CFAP20DC: variants seen among roughly 807,000 people sequenced by gnomAD.
The protein encoded by CFAP20DC is protein CFAP20DC.
CFAP20DC carries 84 observed loss-of-function variants against 101.7 expected under a neutral mutation model. That is an observed-to-expected ratio of 0.83 (90% CI 0.69 to 0.99). The LOEUF (loss-of-function observed/expected upper bound fraction) is 0.99, where lower values mean the gene tolerates loss of function less well. CFAP20DC is among the 50% of genes least tolerant of loss of function. The pLI is 0.00. For missense variants in CFAP20DC, 1,007 were observed against 970.3 expected, an observed-to-expected ratio of 1.04 and a Z score of -0.50; for synonymous variants, 359 against 351.2, an observed-to-expected ratio of 1.02 and a Z score of -0.25.
chr3:58,923,724 GC>G (rs2085644954), intron 5 of CFAP20DC, among the ~76,000 whole-genome samples: 1 of 152,082 alleles, frequency 6.6e-6, no homozygotes, highest in Non-Finnish European at 1.5e-5. Flanking sequence ...GTATGTGTGT[GC>G]CTGTATTATT....
Position 58,849,254 on chromosome 3 carries a change from C to T in CFAP20DC, c.1749G>A (p.Gln583=). The change falls in exon 13 of 17, where the codon CAG becomes CAA. Residue 583 remains glutamine (Q), a synonymous_variant. Coordinates refer to ENST00000482387, the MANE Select transcript of CFAP20DC (RefSeq NM_001394063.1). ...TATCTATTTGCTCCATCGAGGAATC[C>T]TGGCTTTCTGTTGCTCCTGCTTCTG... ...AYTEAGATES[Q]DSSMEQIDRN... is the part of the protein sequence containing the mutation. 6.5e-7 allele frequency: 1 copy of T among 1,536,038 alleles called. No homozygotes were observed. Among genetic ancestry groups the T allele is most frequent in the Non-Finnish European group, 8.7e-7 (1 of 1,146,892 alleles).
intron 14 of CFAP20DC, among the ~76,000 whole-genome samples, chr3:58,822,218 C>T (rs1292151919): frequency 8.3e-5 from 12 of 143,808 alleles, no homozygotes; most frequent in Non-Finnish European, 1.5e-4. Flanking sequence ...GTGGGTGCAG[C>T]ACATCAGCAT....
Position 58,937,756 on chromosome 3 carries a change from A to G in CFAP20DC, c.285T>C (p.Thr95=), listed in dbSNP as rs531000950. 11 of 1,556,466 alleles carry G rather than the reference A, an allele frequency of 7.1e-6. No homozygotes were observed. In the Admixed American group the frequency reaches 8.4e-5, roughly 12 times the overall value. Residue 95 remains threonine, a synonymous_variant, in exon 5 of 17, where the codon ACT becomes ACC. Coordinates refer to ENST00000482387, the MANE Select transcript of CFAP20DC (RefSeq NM_001394063.1). The part of the protein sequence containing the change: ...GQDFSTELLI[T]DLGNIKRRLY... ...ATCTTCTTTTGATGTTCCCTAAATC[A>G]GTAATTCTGAAAACATGGAGGAGAG...
chr3:58,953,721 C>T lies in CFAP20DC; in HGVS notation c.279-15959G>A, dbSNP rs562241024. Reference sequence around the variant, plus strand: ...TTAAAAGCTTCATTACACTTATGTGCTTTTTTGGGGGCAATTTAGTTGCTG... The same window carrying T: ...TTAAAAGCTTCATTACACTTATGTGTTTTTTTGGGGGCAATTTAGTTGCTG... On this transcript the variant is annotated intron_variant, in intron 4 of 16. Coordinates refer to ENST00000482387, the MANE Select transcript of CFAP20DC (RefSeq NM_001394063.1). The T allele has an allele frequency of 9.2e-5, 14 of 152,194 alleles. No homozygotes were observed. In the East Asian group the frequency reaches 2.3e-3, roughly 25 times the overall value. The allele number at this position is 152,194 out of a possible 1,614,324, so 9.4% of individuals were successfully genotyped here.
chr3:58,879,876 C>T (rs917468405), intron 7 of CFAP20DC, among the ~76,000 whole-genome samples: 3 of 151,498 alleles, frequency 2.0e-5, no homozygotes, highest in African/African-American at 7.3e-5. Context: ...TATGTATTTC[C>T]CTATTAAACC....
At chr3:58,851,352 C>T (rs2078213865) in intron 12 of CFAP20DC, among the ~76,000 whole-genome samples, 1 of 152,090 alleles carries the variant, frequency 6.6e-6, no homozygotes, top group South Asian at 2.1e-4. Flanking sequence ...TGAATTAAGG[C>T]AATGGCAGTG....
intron 5 of CFAP20DC, among the ~76,000 whole-genome samples, chr3:58,921,788 G>A (rs2085405643): frequency 6.6e-6 from 1 of 152,146 alleles, no homozygotes; most frequent in Non-Finnish European, 1.5e-5. Context: ...AATTTCTGAG[G>A]AAGGAGTCTT....
chr3:59,049,247 G>A (rs1399844466), intron 1 of CFAP20DC, among the ~76,000 whole-genome samples: 2 of 152,176 alleles, frequency 1.3e-5, no homozygotes, highest in East Asian at 3.8e-4. Flanking sequence ...TACCAGTGTT[G>A]CATGAATACT....
chr3:58,872,890 C>CAGCT (rs1300342010), intron 7 of CFAP20DC, among the ~76,000 whole-genome samples: 1 of 150,724 alleles, frequency 6.6e-6, no homozygotes, highest in African/African-American at 2.4e-5. Flanking sequence ...TGCTGTAAGG[C>CAGCT]AGCTGTTCAA....
At chr3:58,986,111 C>T (rs1202364347) in intron 4 of CFAP20DC, among the ~76,000 whole-genome samples, 1 of 152,110 alleles carries the variant, frequency 6.6e-6, no homozygotes, top group Non-Finnish European at 1.5e-5. Context: ...TCCCTAACTG[C>T]TACAAATACA....
chr3:58,855,970 A>G (rs2078760036), intron 12 of CFAP20DC, among the ~76,000 whole-genome samples: 2 of 151,870 alleles, frequency 1.3e-5, no homozygotes, highest in Non-Finnish European at 1.5e-5. Context: ...ATGTACCCTA[A>G]AACTTAAAGT....
chr3:58,788,767 CTT>C lies in CFAP20DC; in HGVS notation c.2237+17626_2237+17627del, dbSNP rs892319242. 6.6e-6 allele frequency among the ~76,000 whole-genome samples: 1 copy of C among 152,088 alleles called. No homozygotes were observed. Among genetic ancestry groups the C allele is most frequent in the Non-Finnish European group, 1.5e-5 (1 of 68,010 alleles). On this transcript the variant is annotated intron_variant, in intron 15 of 16. Coordinates refer to ENST00000482387, the MANE Select transcript of CFAP20DC (RefSeq NM_001394063.1). This position sits in a 1 kb window ranked among gnomAD's most constrained non-coding sequence, Gnocchi z 4.2. Reference sequence around the variant, plus strand: ...GACCTTTGAGCCAAACTCTGTGTCTCTTGTTTCCACATCTGGAATATGGGAAT... The same window carrying C: ...GACCTTTGAGCCAAACTCTGTGTCTCGTTTCCACATCTGGAATATGGGAAT...
At chr3:58,984,135 A>T (rs1260337888) in intron 4 of CFAP20DC, among the ~76,000 whole-genome samples, 1 of 152,212 alleles carries the variant, frequency 6.6e-6, no homozygotes, top group Non-Finnish European at 1.5e-5. Context: ...AGTTGGCAGG[A>T]CAAGTTGGTG....
intron 4 of CFAP20DC, among the ~76,000 whole-genome samples, chr3:59,019,965 A>C (rs1178787592): frequency 6.6e-6 from 1 of 152,108 alleles, no homozygotes; most frequent in Non-Finnish European, 1.5e-5. Context: ...AACAGATTGA[A>C]TTAGAGGCAG....
intron 4 of CFAP20DC, among the ~76,000 whole-genome samples, chr3:58,975,695 C>T (rs1237755223): frequency 6.6e-6 from 1 of 152,142 alleles, no homozygotes; most frequent in Non-Finnish European, 1.5e-5. Context: ...CAAGGTTATG[C>T]TCATTTCTTT....
chr3:58,785,404 A>G (rs1437325397), intron 15 of CFAP20DC, among the ~76,000 whole-genome samples: 1 of 152,128 alleles, frequency 6.6e-6, no homozygotes, highest in Non-Finnish European at 1.5e-5. Context: ...GCAAAAATGT[A>G]TATGTCAAAG....
chr3:58,964,610 T>C lies in CFAP20DC; in HGVS notation c.279-26848A>G, dbSNP rs57114896. On this transcript the variant is annotated intron_variant, in intron 4 of 16. Coordinates refer to ENST00000482387, the MANE Select transcript of CFAP20DC (RefSeq NM_001394063.1). This position sits in a 1 kb window ranked among gnomAD's most constrained non-coding sequence, Gnocchi z 4.1. Reference sequence around the variant, plus strand: ...AAGTTCTCTTTTCTAGACTTATAAATGCTGTGATTTTTAAGTTAACACCTA... The same window carrying C: ...AAGTTCTCTTTTCTAGACTTATAAACGCTGTGATTTTTAAGTTAACACCTA... 6.6e-6 allele frequency among the ~76,000 whole-genome samples: 1 copy of C among 152,354 alleles called. No individual in the cohort carries two copies. Among genetic ancestry groups the C allele is most frequent in the East Asian group, 1.9e-4 (1 of 5,194 alleles).
intron 4 of CFAP20DC, among the ~76,000 whole-genome samples, chr3:58,974,286 T>C (rs568058197): frequency 1.3e-5 from 2 of 152,090 alleles, no homozygotes; most frequent in Non-Finnish European, 2.9e-5. Context: ...TAGTCCTCAG[T>C]GTCTTTTGTT....
rs1300794398 is a variant in CFAP20DC at position 58,788,876 on chromosome 3, T to C, written c.2237+17519A>G. 1.3e-5 allele frequency among the ~76,000 whole-genome samples: 2 copies of C among 151,528 alleles called. No individual in the cohort carries two copies. Among genetic ancestry groups the C allele is most frequent in the African/African-American group, 4.9e-5 (2 of 41,176 alleles). On this transcript the variant is annotated intron_variant, in intron 15 of 16. Coordinates refer to ENST00000482387, the MANE Select transcript of CFAP20DC (RefSeq NM_001394063.1). This position sits in a 1 kb window ranked among gnomAD's most constrained non-coding sequence, Gnocchi z 4.2. ...GTAGGAGTGGGGATTAGGTTTCAGT[T>C]CCCCCTCCCCACATATACCAAAATC...
Sources: allele counts gnomAD v4.1 joint callset (sites outside exome capture counted in the v4.1 genomes callset), GRCh38; gene constraint gnomAD v4.1.1; non-coding constraint Gnocchi (gnomAD v3.1); transcripts MANE v1.5; gene names NCBI Gene and HGNC (gene_info 2026-07-23, HGNC 2026-07-21).